Variants in FER1L6 observed in about 807,000 individuals in gnomAD.
The protein encoded by FER1L6 is fer-1 like family member 6.
In FER1L6, 177 loss-of-function variants were observed where a neutral mutation model predicts 219.2. The ratio of observed to expected loss-of-function variants is 0.81; its 90% CI spans 0.71 to 0.91. The LOEUF (loss-of-function observed/expected upper bound fraction) is 0.91. Ranked by LOEUF, FER1L6 falls within the 40% of genes least tolerant of loss-of-function variation. FER1L6 has a pLI of 0.00. For missense variants in FER1L6, 2,153 were observed against 2,259.9 expected (o/e 0.95, Z 0.96); for synonymous variants, 768 against 824.3 (o/e 0.93, Z 1.17).
intron 21 of FER1L6, among the ~76,000 whole-genome samples, chr8:124,047,263 C>G (rs1204379005): frequency 3.9e-5 from 6 of 152,236 alleles, no homozygotes; most frequent in African/African-American, 1.4e-4. Flanking sequence ...TTTGAGCTCT[C>G]ACATCTGCTA....
At chr8:124,020,291 T>C (rs1818402990) in intron 16 of FER1L6, among the ~76,000 whole-genome samples, 1 of 152,124 alleles carries the variant, frequency 6.6e-6, no homozygotes, top group Admixed American at 6.6e-5. Flanking sequence ...AATTACCCAG[T>C]CTTGGATATG....
At chr8:124,024,433 T>C (rs769504334) in intron 18 of FER1L6, among the ~76,000 whole-genome samples, 1 of 151,912 alleles carries the variant, frequency 6.6e-6, no homozygotes, top group Non-Finnish European at 1.5e-5. Flanking sequence ...AGTTCCTGCT[T>C]ATAAGTGAGA....
chr8:124,050,995 A>T (rs1819993614), intron 22 of FER1L6, among the ~76,000 whole-genome samples: 1 of 152,216 alleles, frequency 6.6e-6, no homozygotes, highest in Non-Finnish European at 1.5e-5. Context: ...AAATAAAGCC[A>T]AAACTCAATT....
chr8:123,981,340 G>A (rs770734732), intron 11 of FER1L6, among the ~76,000 whole-genome samples: 5 of 151,850 alleles, frequency 3.3e-5, no homozygotes, highest in African/African-American at 7.3e-5. Flanking sequence ...TTCCCAGCCC[G>A]GTTCTGCTTA....
chr8:124,064,816 G>A lies in FER1L6; in HGVS notation c.3555+243G>A, dbSNP rs144508229. 7.0e-4 allele frequency among the ~76,000 whole-genome samples: 106 copies of A among 152,250 alleles called. 1 individual carries two copies. In the East Asian group the frequency reaches 0.018, roughly 25 times the overall value. ...ATGTGACAGTAATATTTAATGGAAC[G>A]GAAACTCTTCTTAATTCATTAGCTT... On this transcript the variant is annotated intron_variant, in intron 26 of 40. Coordinates refer to ENST00000522917, the MANE Select transcript of FER1L6 (RefSeq NM_001039112.2).
chr8:124,005,265 T>A (rs1817606632), intron 13 of FER1L6, among the ~76,000 whole-genome samples: 1 of 152,202 alleles, frequency 6.6e-6, no homozygotes, highest in Non-Finnish European at 1.5e-5. Flanking sequence ...ACTCATTGAC[T>A]CCCTGTGGCT....
rs368749886 is a variant in FER1L6, at chr8:124,061,695, G to A, written c.3148-157G>A. Among the ~76,000 whole-genome samples, 32 of 152,284 alleles carry A rather than the reference G, an allele frequency of 2.1e-4. No homozygotes were observed. The East Asian group carries it at 3.5e-3, about 17-fold the overall frequency. ...ATTTGGGTGAATTACTCCCTGGCTC[G>A]GGAAGACACTGCTCCAGAGTTTTGG... On this transcript the variant is annotated intron_variant, in intron 24 of 40. Transcript: ENST00000522917.
At chr8:124,078,171 T>A (rs1025455276) in intron 32 of FER1L6, among the ~76,000 whole-genome samples, 2 of 151,940 alleles carry the variant, frequency 1.3e-5, no homozygotes, top group Non-Finnish European at 2.9e-5. Flanking sequence ...AATATGCATT[T>A]GTGGAATGAA....
intron 1 of FER1L6, among the ~76,000 whole-genome samples, chr8:123,892,556 G>T (rs1812668327): frequency 6.6e-6 from 1 of 152,198 alleles, no homozygotes; most frequent in South Asian, 2.1e-4. Flanking sequence ...CTCCCAAAGT[G>T]CTGGGATTAG....
At chr8:124,060,775 G>A (rs1208008956) in intron 24 of FER1L6, 66 bp downstream of exon 24, 5 of 1,514,660 alleles carry the variant, frequency 3.3e-6, no homozygotes, top group African/African-American at 1.4e-5. Context: ...ATGTTTTAGG[G>A]TTTCAGATGT....
chr8:124,089,716 T>C (rs972292669), intron 33 of FER1L6, among the ~76,000 whole-genome samples: 9 of 152,190 alleles, frequency 5.9e-5, no homozygotes, highest in African/African-American at 2.2e-4. Flanking sequence ...ACAAAATAAC[T>C]CTCAAATTAT....
Position 124,035,385 on chromosome 8 carries a change from G to T in FER1L6, c.2395G>T (p.Gly799Cys). Residue 799 changes from glycine to cysteine, a missense_variant, in exon 19 of 41, where the codon GGC becomes TGC. Physicochemically the swap from Gly to Cys is radical, Grantham distance 159 (BLOSUM62 -3). Coordinates refer to ENST00000522917, the MANE Select transcript of FER1L6 (RefSeq NM_001039112.2). ...TGCCATTTTGGACAACTTGCCAGTA[G>T]GCTATGAAGCAGAAATGTCCTCCAA... The part of the protein sequence containing the change: ...ASAILDNLPV[G>C]YEAEMSSKGA... 2 of 1,614,040 alleles carry T rather than the reference G, an allele frequency of 1.2e-6. No homozygotes were observed. The highest frequency in any genetic ancestry group is 1.3e-5 in the African/African-American group (1 of 75,022).
chr8:123,963,502 A>G, intron 3 of FER1L6, 104 bp downstream of exon 3: 1 of 1,362,396 alleles, frequency 7.3e-7, no homozygotes, highest in Admixed American at 1.9e-5. Flanking sequence ...AGACATAGTC[A>G]CTGTCTACAG....
chr8:123,893,636 C>T (rs1812689331), intron 1 of FER1L6, among the ~76,000 whole-genome samples: 1 of 152,106 alleles, frequency 6.6e-6, no homozygotes, highest in Non-Finnish European at 1.5e-5. Flanking sequence ...AACCAAGAAC[C>T]TGTTTTCTTT....
intron 22 of FER1L6, among the ~76,000 whole-genome samples, chr8:124,057,221 GTTTTTTTGTTTTGTTTTGTTT>G (rs1481794129): frequency 6.6e-6 from 1 of 151,946 alleles, no homozygotes; most frequent in Non-Finnish European, 1.5e-5. Context: ...TTCCTCTTAG[GTTTTTTTGTTTTGTTTTGTTT>G]GCCTGGGTTG....
chr8:124,070,717 A>G, intron 30 of FER1L6, 119 bp downstream of exon 30: 1 of 882,280 alleles, frequency 1.1e-6, no homozygotes, highest in South Asian at 2.1e-5. Flanking sequence ...CTTAATTTTT[A>G]CTCAAGTCCC....
chr8:124,082,185 A>T (rs1003440432), intron 32 of FER1L6, 103 bp from the exon 33 acceptor site: 25 of 840,434 alleles, frequency 3.0e-5, no homozygotes, highest in Non-Finnish European at 4.3e-5. Context: ...CTGAGTGTTT[A>T]ATGAGTTCAC....
rs965790761 is a variant in FER1L6, at chr8:123,937,304, A to G, written c.-7-18688A>G. ...CAAATACAAAACCTTCCATTCATCAAGAAAGGCCTCGTACTAAAATACTTA... is the reference window on the plus strand; with the variant it reads ...CAAATACAAAACCTTCCATTCATCAGGAAAGGCCTCGTACTAAAATACTTA... On this transcript the variant is annotated intron_variant, in intron 1 of 40. Transcript: ENST00000522917. 2.0e-5 allele frequency among the ~76,000 whole-genome samples: 3 copies of G among 152,356 alleles called. No individual in the cohort carries two copies. The East Asian group carries it at 5.8e-4, about 29-fold the overall frequency.
At chr8:124,119,158 G>C (rs937486957) in intron 40 of FER1L6, among the ~76,000 whole-genome samples, 3 of 152,112 alleles carry the variant, frequency 2.0e-5, no homozygotes, top group Admixed American at 1.3e-4. Flanking sequence ...AGGAGCTTTC[G>C]ATCTATTTGG....
Sources: gnomAD v4.1 joint callset for allele counts (sites outside exome capture counted in the v4.1 genomes callset) on GRCh38, gnomAD v4.1.1 for gene constraint, MANE v1.5 for transcripts, NCBI Gene and HGNC (gene_info 2026-07-23, HGNC 2026-07-21) for gene names.